Variants in PALS2 observed in about 807,000 individuals in gnomAD.
The protein encoded by PALS2 is protein associated with LIN7 2, MAGUK p55 family member.
In PALS2, 27 loss-of-function variants were observed where a neutral mutation model predicts 61.6. The ratio of observed to expected loss-of-function variants is 0.44; its 90% CI spans 0.32 to 0.60. The LOEUF is 0.60. Ranked by LOEUF, PALS2 falls within the 20% of genes least tolerant of loss-of-function variation. The pLI, the probability that PALS2 is intolerant of heterozygous loss-of-function variation, is 0.05. For synonymous variants in PALS2, 236 were observed against 218.6 expected, an observed-to-expected ratio of 1.08 and a Z score of -0.70; for missense variants, 554 against 639.4, an observed-to-expected ratio of 0.87 and a Z score of 1.44.
In PALS2 at chr7:24,676,108, A is replaced by C. The variant is rs552777536; in HGVS notation, c.1115-3023A>C. Among the ~76,000 whole-genome samples the C allele has an allele frequency of 8.4e-4, 127 of 150,806 alleles. 1 individual carries two copies. Among genetic ancestry groups the C allele is most frequent in the African/African-American group, 2.8e-3 (116 of 40,780 alleles). The stretch of plus-strand genomic sequence containing the variant: ...TCTAACTGGTGTGAGATGGTATCTC[A>C]TTGTGGTTTTGATTTGCATTTCTCT... On this transcript the variant is annotated intron_variant, in intron 9 of 11. Coordinates refer to ENST00000222644, the MANE Select transcript of PALS2 (RefSeq NM_001303037.2).
intron 2 of PALS2, among the ~76,000 whole-genome samples, chr7:24,634,207 G>A (rs1238601190): frequency 2.2e-4 from 33 of 152,066 alleles, no homozygotes; most frequent in Admixed American, 2.2e-3. Flanking sequence ...GCCTTTTGAA[G>A]CACAGAAGTT....
At chr7:24,625,758 T>G (rs1446915549) in intron 2 of PALS2, among the ~76,000 whole-genome samples, 1 of 152,154 alleles carries the variant, frequency 6.6e-6, no homozygotes, top group Non-Finnish European at 1.5e-5. Flanking sequence ...CTGTACTCTT[T>G]TGATGATAAA....
intron 1 of PALS2, among the ~76,000 whole-genome samples, chr7:24,612,084 A>G (rs1273307768): frequency 1.3e-5 from 2 of 151,906 alleles, no homozygotes; most frequent in Non-Finnish European, 2.9e-5. Context: ...GCTTTGAAAT[A>G]CTTTTGAATA....
At chr7:24,609,101 A>G (rs544867676) in intron 1 of PALS2, among the ~76,000 whole-genome samples, 2 of 152,080 alleles carry the variant, frequency 1.3e-5, no homozygotes, top group Non-Finnish European at 2.9e-5. Flanking sequence ...TTTTTCCCCC[A>G]GTTTAGTTTG....
intron 8 of PALS2, 102 bp from the exon 9 acceptor site, chr7:24,668,397 T>C: frequency 8.2e-6 from 9 of 1,101,178 alleles, no homozygotes; most frequent in East Asian, 2.6e-5. Context: ...TCAAGTGATA[T>C]TTAACTATCA....
intron 1 of PALS2, among the ~76,000 whole-genome samples, chr7:24,589,615 C>T (rs1401482159): frequency 6.6e-6 from 1 of 152,136 alleles, no homozygotes; most frequent in Non-Finnish European, 1.5e-5. Context: ...ATGCTCTGAA[C>T]AAGCTAGTGT....
Position 24,614,123 on chromosome 7 carries a change from A to G in PALS2, c.-2-9543A>G, listed in dbSNP as rs530772251. Among the ~76,000 whole-genome samples the G allele has an allele frequency of 7.2e-5, 11 of 151,908 alleles. No homozygotes were observed. In the East Asian group the frequency reaches 2.1e-3, roughly 29 times the overall value. Reference sequence around the variant, plus strand: ...AAATTCCCAGTAGTGGCATTGCTGGATGATGTGGTAGTTCTATTTGTAGAT... The same window carrying G: ...AAATTCCCAGTAGTGGCATTGCTGGGTGATGTGGTAGTTCTATTTGTAGAT... On this transcript the variant is annotated intron_variant, in intron 1 of 11. Coordinates refer to ENST00000222644, the MANE Select transcript of PALS2 (RefSeq NM_001303037.2).
intron 1 of PALS2, among the ~76,000 whole-genome samples, chr7:24,619,759 T>C (rs996849019): frequency 3.3e-5 from 5 of 151,514 alleles, no homozygotes; most frequent in Non-Finnish European, 7.4e-5. Context: ...ATCCCATTTA[T>C]GTGTTATTGA....
Position 24,692,811 on chromosome 7 carries a change from T to TATACCTGAAATCACTGC in PALS2, c.*5216_*5232dup, listed in dbSNP as rs1156848475. On this transcript the variant is annotated 3_prime_UTR_variant, in exon 12 of 12. Coordinates refer to ENST00000222644, the MANE Select transcript of PALS2 (RefSeq NM_001303037.2). ...CCCGAAAACTGTCCTACTTTATCCT[T>TATACCTGAAATCACTGC]ATACCTGAAATCACTGCATACCTGA... 6.6e-6 allele frequency: 1 copy of TATACCTGAAATCACTGC among 152,170 alleles called. No homozygotes were observed. Among genetic ancestry groups the TATACCTGAAATCACTGC allele is most frequent in the Non-Finnish European group, 1.5e-5 (1 of 68,006 alleles). The allele number at this position is 152,170 out of a possible 1,614,324, so 9.4% of individuals were successfully genotyped here.
intron 9 of PALS2, among the ~76,000 whole-genome samples, chr7:24,675,633 T>G (rs1371227971): frequency 7.0e-6 from 1 of 142,080 alleles, no homozygotes; most frequent in Non-Finnish European, 1.5e-5. Flanking sequence ...TGAGTGAGAA[T>G]ATGCGGTGTT....
intron 1 of PALS2, among the ~76,000 whole-genome samples, chr7:24,609,522 T>C (rs1784039601): frequency 6.6e-6 from 1 of 152,168 alleles, no homozygotes; most frequent in Non-Finnish European, 1.5e-5. Context: ...TTGGTTGTTA[T>C]AACACCTGTG....
Position 24,668,626 on chromosome 7 carries a change from A to G in PALS2, c.1080A>G (p.Val360=). 6.2e-7 allele frequency: 1 copy of G among 1,613,930 alleles called. No individual in the cohort carries two copies. Among genetic ancestry groups the G allele is most frequent in the South Asian group, 1.1e-5 (1 of 91,078 alleles). ...GAAGCTTGAAAAACAGGTTCATAGT[A>G]TTGAATCCCACTAGATTTGGAACTA... ...GRRSLKNRFI[V]LNPTRFGTTV... is the part of the protein sequence containing the mutation. Residue 360 remains valine, a synonymous_variant, in exon 9 of 12, where the codon GTA becomes GTG. Transcript: ENST00000222644.
rs1014182278 is a variant in PALS2 at position 24,649,726 on chromosome 7, C to G, written c.385C>G (p.Arg129Gly). 1.2e-6 allele frequency: 2 copies of G among 1,610,042 alleles called. No homozygotes were observed. The highest frequency in any genetic ancestry group is 1.7e-6 in the Non-Finnish European group (2 of 1,178,204). Residue 129 changes from arginine to glycine, a missense_variant, in exon 4 of 12, where the codon CGT becomes GGT. Coordinates refer to ENST00000222644, the MANE Select transcript of PALS2 (RefSeq NM_001303037.2). ...NNQLLPVDAI[R>G]ILGIHKRAGE... ...TCAGTTATTACCAGTAGATGCCATT[C>G]GTATTCTTGGTATTCACAAAAGAGC...
At chr7:24,582,592 A>G (rs867208625) in intron 1 of PALS2, among the ~76,000 whole-genome samples, 2 of 151,968 alleles carry the variant, frequency 1.3e-5, no homozygotes, top group African/African-American at 2.4e-5. Flanking sequence ...GAATGTGGCT[A>G]TCTTTGAGTG....
chr7:24,581,176 C>A (rs529539085), intron 1 of PALS2, among the ~76,000 whole-genome samples: 151 of 152,048 alleles, frequency 9.9e-4, no homozygotes, highest in African/African-American at 3.0e-3. Context: ...CCTTGGCTTG[C>A]GGCTACACAC....
intron 8 of PALS2, among the ~76,000 whole-genome samples, chr7:24,667,720 A>C (rs535898307): frequency 1.5e-5 from 2 of 132,320 alleles, no homozygotes; most frequent in South Asian, 4.9e-4. Context: ...GCTGGAGTGC[A>C]GTGGCGCAAT....
intron 1 of PALS2, among the ~76,000 whole-genome samples, chr7:24,614,571 C>T (rs1329394248): frequency 6.6e-6 from 1 of 151,670 alleles, no homozygotes; most frequent in Non-Finnish European, 1.5e-5. Context: ...TGCACACAAC[C>T]CTGGAGCACC....
chr7:24,672,669 G>A (rs1400902702), intron 9 of PALS2, among the ~76,000 whole-genome samples: 1 of 151,900 alleles, frequency 6.6e-6, no homozygotes, highest in African/African-American at 2.4e-5. Context: ...TTATTCTGTA[G>A]CAAAAAGTAT....
chr7:24,624,004 T>G, intron 2 of PALS2: 1 of 1,190,430 alleles, frequency 8.4e-7, no homozygotes, highest in Non-Finnish European at 1.2e-6. Context: ...ACTCTTAGTT[T>G]TGGCGTAATG....
Sources: allele counts gnomAD v4.1 joint callset (sites outside exome capture counted in the v4.1 genomes callset), GRCh38; gene constraint gnomAD v4.1.1; transcripts MANE v1.5; gene names NCBI Gene and HGNC (gene_info 2026-07-23, HGNC 2026-07-21).